The following DDX42 variants were observed in gnomAD, a reference collection of about 807,000 sequenced individuals.
The protein encoded by DDX42 is ATP-dependent RNA helicase DDX42.
Under a neutral mutation model 101.5 loss-of-function variants are expected in DDX42, and 22 were observed. That is an observed-to-expected ratio of 0.22 (90% confidence interval 0.15 to 0.31). DDX42 has a LOEUF of 0.31. Among genes scored for constraint, DDX42 ranks in the 10% least tolerant of loss-of-function variants. The pLI is 1.00. For synonymous variants in DDX42, 402 were observed against 401.2 expected, an observed-to-expected ratio of 1.00 and a Z score of -0.02; for missense variants, 849 against 1,199.9, an observed-to-expected ratio of 0.71 and a Z score of 4.32.
At chr17:63,797,352 CAA>C (rs59892636) in intron 3 of DDX42, among the ~76,000 whole-genome samples, 11 of 100,034 alleles carry the variant, frequency 1.1e-4, no homozygotes, top group Non-Finnish European at 9.9e-5. Flanking sequence ...AACTCCATCT[CAA>C]AAAAAAAAAA....
At chr17:63,815,260 AG>A (rs1452117291) in intron 15 of DDX42, among the ~76,000 whole-genome samples, 1 of 151,996 alleles carries the variant, frequency 6.6e-6, no homozygotes, top group East Asian at 1.9e-4. Context: ...AGTTAGAAGT[AG>A]CCAAAGTTAC....
In DDX42 at chr17:63,812,262, G is replaced by A. The variant is rs546274184; in HGVS notation, c.1675+54G>A. 7.4e-4 allele frequency: 1,158 copies of A among 1,565,896 alleles called. 26 individuals carry two copies. In the South Asian group the frequency reaches 0.013, roughly 18 times the overall value. On this transcript the variant is annotated intron_variant, in intron 14 of 17. Coordinates refer to ENST00000389924, the MANE Select transcript of DDX42 (RefSeq NM_203499.3). ...AGTTCCTAGGCTATAAGGGTACTCTGTCTTACTACATAAGACCTATAATAT... is the reference window on the plus strand; with the variant it reads ...AGTTCCTAGGCTATAAGGGTACTCTATCTTACTACATAAGACCTATAATAT...
chr17:63,803,619 C>A (rs576770451), intron 6 of DDX42, among the ~76,000 whole-genome samples: 14 of 149,748 alleles, frequency 9.3e-5, no homozygotes, highest in Non-Finnish European at 1.3e-4. Flanking sequence ...ATACTGTCCT[C>A]TCTTTTTCAA....
chr17:63,790,260 C>A (rs1015769645), intron 2 of DDX42, among the ~76,000 whole-genome samples: 1 of 152,074 alleles, frequency 6.6e-6, no homozygotes, highest in Non-Finnish European at 1.5e-5. Context: ...TAGTATATAG[C>A]GTGAGTATGC....
At chr17:63,785,816 C>T (rs1347579848) in intron 1 of DDX42, among the ~76,000 whole-genome samples, 1 of 152,110 alleles carries the variant, frequency 6.6e-6, no homozygotes, top group East Asian at 1.9e-4. Context: ...GTTCATAGTA[C>T]CTTTCCTGCA....
intron 2 of DDX42, among the ~76,000 whole-genome samples, chr17:63,787,921 T>TTTA (rs1212309044): frequency 6.9e-6 from 1 of 144,806 alleles, no homozygotes; most frequent in Non-Finnish European, 1.5e-5. Context: ...TTTTTTTTTT[T>TTTA]TGGAGGCAGA....
chr17:63,774,243 T>TGGCGGCGGC lies in DDX42; in HGVS notation c.-142_-134dup, dbSNP rs3834577. 2.5e-5 allele frequency: 6 copies of TGGCGGCGGC among 244,258 alleles called. 2 individuals carry two copies. The highest frequency in any genetic ancestry group is 4.5e-5 in the Non-Finnish European group (6 of 132,916). The allele number at this position is 244,258 out of a possible 1,614,324, so 15.1% of individuals were successfully genotyped here. A position where few individuals can be genotyped will look rare whatever the true frequency, so the allele number is the denominator to read the frequency against. On this transcript the variant is annotated 5_prime_UTR_variant, in exon 1 of 18. Transcript: ENST00000389924. Reference sequence around the variant, plus strand: ...GCGGTGGCGGCGGCGGTGGTGGTGGTGGCGGCGGCGGCGGCGAAGGGGGCG... The same window carrying TGGCGGCGGC: ...GCGGTGGCGGCGGCGGTGGTGGTGGTGGCGGCGGCGGCGGCGGCGGCGGCGAAGGGGGCG...
intron 1 of DDX42, among the ~76,000 whole-genome samples, chr17:63,781,177 G>C (rs11079511): frequency 0.23 from 35,345 of 151,910 alleles, 4,293 homozygotes; most frequent in Middle Eastern, 0.34. Context: ...TGCTTTCACT[G>C]ATGACTCCTG....
intron 2 of DDX42, among the ~76,000 whole-genome samples, chr17:63,792,041 G>A (rs1421098171): frequency 5.1e-5 from 7 of 136,442 alleles, no homozygotes; most frequent in African/African-American, 1.5e-4. Flanking sequence ...GGAAAACCCC[G>A]TCTCAAAAAA....
At chr17:63,785,657 A>G (rs1162462916) in intron 1 of DDX42, among the ~76,000 whole-genome samples, 1 of 151,994 alleles carries the variant, frequency 6.6e-6, no homozygotes, top group East Asian at 1.9e-4. Flanking sequence ...AATGTAAGGT[A>G]TTGTTTGTAA....
At chr17:63,792,042 T>G (rs1017609580) in intron 2 of DDX42, among the ~76,000 whole-genome samples, 5 of 133,576 alleles carry the variant, frequency 3.7e-5, no homozygotes, top group African/African-American at 1.3e-4. Context: ...GAAAACCCCG[T>G]CTCAAAAAAA....
chr17:63,809,512 T>C (rs1394673324), intron 10 of DDX42, 48 bp from the exon 11 acceptor site: 1 of 1,508,240 alleles, frequency 6.6e-7, no homozygotes, highest in African/African-American at 1.4e-5. Flanking sequence ...AGAAAGTCCC[T>C]GTGAATGCCT....
chr17:63,811,443 T>G (rs749274122), intron 13 of DDX42: 25 of 382,738 alleles, frequency 6.5e-5, no homozygotes, highest in Admixed American at 2.9e-4. Flanking sequence ...AACTTACAAT[T>G]GTTTTAAAAA....
chr17:63,807,457 A>G (rs375544001), intron 8 of DDX42, among the ~76,000 whole-genome samples: 1 of 152,274 alleles, frequency 6.6e-6, no homozygotes, highest in Middle Eastern at 3.4e-3. Flanking sequence ...TCATTTCTGT[A>G]TTTTAAACAA....
intron 6 of DDX42, among the ~76,000 whole-genome samples, chr17:63,803,916 C>G (rs575229532): frequency 1.3e-5 from 2 of 152,216 alleles, no homozygotes; most frequent in South Asian, 4.2e-4. Flanking sequence ...TCCCAAAGTG[C>G]TGGGATTACG....
chr17:63,802,154 G>A (rs919989792), intron 6 of DDX42, among the ~76,000 whole-genome samples: 4 of 152,016 alleles, frequency 2.6e-5, no homozygotes, highest in Admixed American at 6.5e-5. Flanking sequence ...TCTAGTAGGC[G>A]TATTCTCTGT....
Position 63,811,920 on chromosome 17 carries a change from C to T in DDX42, c.1399-12C>T, listed in dbSNP as rs745489637. 64 of 1,614,062 alleles carry T rather than the reference C, an allele frequency of 4.0e-5. No homozygotes were observed. Among genetic ancestry groups the T allele is most frequent in the Non-Finnish European group, 5.2e-5 (61 of 1,180,006 alleles). On this transcript the variant is annotated splice_polypyrimidine_tract_variant and intron_variant, in intron 13 of 17. Transcript: ENST00000389924. ...AATGTCACAATCATCTGTTTCATTT[C>T]TTCCTTCTCAGGCAAATGAAGATGT...
chr17:63,786,261 A>T (rs985369866), intron 1 of DDX42, among the ~76,000 whole-genome samples: 1 of 152,210 alleles, frequency 6.6e-6, no homozygotes, highest in Admixed American at 6.6e-5. Flanking sequence ...TTTAAGAGAC[A>T]GGATTTCACT....
At chr17:63,804,757 G>A (rs2039817933) in intron 6 of DDX42, among the ~76,000 whole-genome samples, 1 of 152,170 alleles carries the variant, frequency 6.6e-6, no homozygotes, top group Non-Finnish European at 1.5e-5. Context: ...GAGGTGGCGT[G>A]AGAATTGTTT....
Sources: allele counts gnomAD v4.1 joint callset (sites outside exome capture counted in the v4.1 genomes callset), GRCh38; gene constraint gnomAD v4.1.1; transcripts MANE v1.5; gene names NCBI Gene and HGNC (gene_info 2026-07-23, HGNC 2026-07-21).